The following DCK variants were observed in gnomAD, a reference collection of about 807,000 sequenced individuals.
The protein encoded by DCK is deoxyadenosine kinase.
In DCK, 23 loss-of-function variants were observed where a neutral mutation model predicts 38.3. That is an observed-to-expected ratio of 0.60 (90% CI 0.43 to 0.85). The LOEUF (loss-of-function observed/expected upper bound fraction) is 0.85, where lower values mean the gene tolerates loss of function less well. DCK is among the 40% of genes least tolerant of loss of function. The probability of loss-of-function intolerance (pLI) is 0.00; values close to 1 mark genes in which losing one functional copy is unlikely to be tolerated. For synonymous variants in DCK, 108 were observed against 100.6 expected, an observed-to-expected ratio of 1.07 and a Z score of -0.44; for missense variants, 259 against 304.4, an observed-to-expected ratio of 0.85 and a Z score of 1.11.
Position 71,023,552 on chromosome 4 carries a change from C to T in DCK, c.402-7C>T. 6.4e-7 allele frequency: 1 copy of T among 1,552,294 alleles called. No homozygotes were observed. ...TGATACATGTGTTGATGAAGACTCT[C>T]TTTTAGGTATATTTTTGCATCTAAT... On this transcript the variant is annotated splice_region_variant and splice_polypyrimidine_tract_variant and intron_variant, in intron 3 of 6. Coordinates refer to ENST00000286648, the MANE Select transcript of DCK (RefSeq NM_000788.3).
intron 2 of DCK, among the ~76,000 whole-genome samples, chr4:71,004,797 G>T (rs1358382276): frequency 6.6e-6 from 1 of 152,136 alleles, no homozygotes; most frequent in Non-Finnish European, 1.5e-5. Context: ...GTAATGGCGG[G>T]CACCCCTCCC....
chr4:71,007,324 T>C (rs1739970886), intron 2 of DCK, among the ~76,000 whole-genome samples: 1 of 152,216 alleles, frequency 6.6e-6, no homozygotes, highest in South Asian at 2.1e-4. Flanking sequence ...GAAAAGTAGG[T>C]AAAAGCTAAT....
chr4:70,995,048 G>C (rs993477661), intron 1 of DCK, among the ~76,000 whole-genome samples: 1 of 152,144 alleles, frequency 6.6e-6, no homozygotes, highest in Non-Finnish European at 1.5e-5. Flanking sequence ...GTACCTTCTT[G>C]AAAAAGGCCA....
chr4:71,022,322 G>A, intron 2 of DCK, 45 bp from the exon 3 acceptor site: 1 of 1,118,966 alleles, frequency 8.9e-7, no homozygotes. Context: ...TAGCCCTATT[G>A]ACCATTAATT....
intron 6 of DCK, chr4:71,028,856 C>T (rs12513206): frequency 0.54 from 146,410 of 272,256 alleles, 43,290 homozygotes; most frequent in East Asian, 0.75. Context: ...CTCCCAGGTT[C>T]AAGCGATTCT....
rs779806014 is a variant in DCK, at chr4:71,025,926, A to G, written c.660A>G (p.Thr220=). 2.2e-5 allele frequency: 35 copies of G among 1,587,654 alleles called. No homozygotes were observed. In the South Asian group the frequency reaches 3.9e-4, roughly 18 times the overall value. Residue 220 remains threonine (T), a synonymous_variant, in exon 5 of 7, where the codon ACA becomes ACG. Transcript: ENST00000286648. ...YKHESWLLHR[T]LKTNFDYLQE... is the part of the protein sequence containing the mutation. ...ATGAAAGCTGGCTCCTGCATAGGAC[A>G]CTGAAGTAAGACTTATTTTTATTTA...
Position 71,029,645 on chromosome 4 carries a change from ATAGTGAC to A in DCK, c.*270_*276del. ...AGAGGTAGATGGTTCCAGTATCAGC[ATAGTGAC>A]TAAACTACATTATAAAAGATCCAGC... On this transcript the variant is annotated 3_prime_UTR_variant, in exon 7 of 7. Transcript: ENST00000286648. The A allele has an allele frequency of 2.7e-6, 1 of 365,414 alleles. No homozygotes were observed. The highest frequency in any genetic ancestry group is 4.9e-6 in the Non-Finnish European group (1 of 203,234). 22.6% of individuals were successfully genotyped at this position (365,414 alleles called of 1,614,324 possible).
Position 71,025,566 on chromosome 4 carries a change from A to G in DCK, c.550-250A>G, listed in dbSNP as rs558786978. ...TTTTTTTCTCCTTTTTATCAAACTTAGTATATTTCATGTGTGGATGGATAC... is the reference window on the plus strand; with the variant it reads ...TTTTTTTCTCCTTTTTATCAAACTTGGTATATTTCATGTGTGGATGGATAC... On this transcript the variant is annotated intron_variant, in intron 4 of 6. Transcript: ENST00000286648. Among the ~76,000 whole-genome samples, 29 of 152,214 alleles carry G rather than the reference A, an allele frequency of 1.9e-4. 1 individual carries two copies. In the South Asian group the frequency reaches 5.8e-3, roughly 30 times the overall value.
intron 6 of DCK, 166 bp downstream of exon 6, chr4:71,026,921 T>A: frequency 2.6e-6 from 1 of 383,908 alleles, no homozygotes. Flanking sequence ...CTGACTAAAT[T>A]CTAGCTTTGT....
chr4:71,008,463 A>G (rs751794093), intron 2 of DCK, among the ~76,000 whole-genome samples: 6 of 152,180 alleles, frequency 3.9e-5, no homozygotes, highest in Non-Finnish European at 7.3e-5. Context: ...CCTCTGAGCC[A>G]TCTGTCTTCT....
intron 2 of DCK, among the ~76,000 whole-genome samples, chr4:71,017,473 T>C (rs1429209389): frequency 1.3e-5 from 2 of 152,126 alleles, no homozygotes; most frequent in Admixed American, 6.5e-5. Flanking sequence ...TACAGACACA[T>C]GCACACATAT....
chr4:71,009,611 TTTTATCAGGCCG>T (rs1213236972), intron 2 of DCK, among the ~76,000 whole-genome samples: 1 of 152,214 alleles, frequency 6.6e-6, no homozygotes, highest in Non-Finnish European at 1.5e-5. Context: ...TAACATATTC[TTTTATCAGGCCG>T]TTTATTGTAA....
At chr4:71,009,821 T>C (rs1740039747) in intron 2 of DCK, among the ~76,000 whole-genome samples, 1 of 152,176 alleles carries the variant, frequency 6.6e-6, no homozygotes, top group South Asian at 2.1e-4. Context: ...GTTGGGTGGG[T>C]GGCTTCCCTG....
chr4:71,006,401 C>G (rs181192820), intron 2 of DCK: 1 of 373,048 alleles, frequency 2.7e-6, no homozygotes, highest in East Asian at 1.7e-4. Context: ...CTAAGATTTT[C>G]GTTTCTGGAG....
chr4:71,001,909 T>G (rs1042015998), intron 2 of DCK, among the ~76,000 whole-genome samples: 1 of 152,226 alleles, frequency 6.6e-6, no homozygotes, highest in Non-Finnish European at 1.5e-5. Flanking sequence ...TGTTAATCTT[T>G]TCGAAGAACC....
At chr4:70,993,958 G>T (rs769248746) in intron 1 of DCK, 32 bp downstream of exon 1, 2 of 1,503,506 alleles carry the variant, frequency 1.3e-6, no homozygotes, top group South Asian at 2.3e-5. Flanking sequence ...GGGACGCAAG[G>T]CTGGGGTGTC....
chr4:71,014,474 C>T (rs1440661910), intron 2 of DCK, among the ~76,000 whole-genome samples: 2 of 152,220 alleles, frequency 1.3e-5, no homozygotes, highest in Non-Finnish European at 2.9e-5. Flanking sequence ...ACATTCTTCT[C>T]AGCACCACAT....
chr4:71,025,239 T>G (rs572956064), intron 4 of DCK, among the ~76,000 whole-genome samples: 32 of 152,164 alleles, frequency 2.1e-4, no homozygotes, highest in African/African-American at 7.0e-4. Flanking sequence ...TAAATAAAAT[T>G]TAGATATTTA....
chr4:71,003,535 A>G (rs770403133), intron 2 of DCK, among the ~76,000 whole-genome samples: 5 of 152,200 alleles, frequency 3.3e-5, no homozygotes, highest in Non-Finnish European at 5.9e-5. Context: ...CTCCTGGATA[A>G]TAATCCTGAA....
Sources: allele counts gnomAD v4.1 joint callset (sites outside exome capture counted in the v4.1 genomes callset), GRCh38; gene constraint gnomAD v4.1.1; transcripts MANE v1.5; gene names NCBI Gene and HGNC (gene_info 2026-07-23, HGNC 2026-07-21).